Variants in EPHA3 observed in about 807,000 individuals in gnomAD.
EPHA3 encodes ephrin type-A receptor 3.
EPHA3 carries 42 observed loss-of-function variants against 107.1 expected under a neutral mutation model. That is an observed-to-expected ratio of 0.39 (90% confidence interval 0.31 to 0.51). The LOEUF is 0.51. EPHA3 is among the 20% of genes least tolerant of loss of function. The pLI is 0.78. For missense variants in EPHA3, 1,183 were observed against 1,211.2 expected (o/e 0.98, Z 0.35); for synonymous variants, 461 against 424.8 (o/e 1.09, Z -1.05).
chr3:89,375,010 T>C (rs76713427), intron 5 of EPHA3, among the ~76,000 whole-genome samples: 2,323 of 151,918 alleles, frequency 0.015, 44 homozygotes, highest in African/African-American at 0.053. Flanking sequence ...TACAACTCAA[T>C]TTCACAATTC....
chr3:89,289,563 A>T (rs1706164134), intron 3 of EPHA3, among the ~76,000 whole-genome samples: 1 of 152,128 alleles, frequency 6.6e-6, no homozygotes, highest in Admixed American at 6.6e-5. Context: ...AGGTATATAT[A>T]ATATCTTTAT....
chr3:89,203,111 A>G (rs1255123726), intron 2 of EPHA3, among the ~76,000 whole-genome samples: 1 of 152,086 alleles, frequency 6.6e-6, no homozygotes, highest in Non-Finnish European at 1.5e-5. Flanking sequence ...GAATTCACGG[A>G]AGCTGATATT....
chr3:89,121,465 TTAAAG>T (rs1439604168), intron 1 of EPHA3, among the ~76,000 whole-genome samples: 4 of 151,694 alleles, frequency 2.6e-5, no homozygotes, highest in South Asian at 4.2e-4. Flanking sequence ...ATTAAAGCTA[TTAAAG>T]TATTTTGGCT....
At position 89,417,159 on chromosome 3, in the gene EPHA3, C is replaced by T. The variant is rs1482701152; in HGVS notation, c.1889-2046C>T. 2.6e-5 allele frequency among the ~76,000 whole-genome samples: 4 copies of T among 151,356 alleles called. No homozygotes were observed. The East Asian group carries it at 7.8e-4, about 29-fold the overall frequency. On this transcript the variant is annotated intron_variant, in intron 10 of 16. Transcript: ENST00000336596. ...CTTAACATACATTAGTTCCTTTAAT[C>T]CCACAACAGCTTTATGAGGTAGATA...
chr3:89,265,565 C>A (rs1705517301), intron 3 of EPHA3, among the ~76,000 whole-genome samples: 1 of 151,878 alleles, frequency 6.6e-6, no homozygotes, highest in Non-Finnish European at 1.5e-5. Context: ...AATTTATATT[C>A]TCATTTAGGA....
intron 1 of EPHA3, among the ~76,000 whole-genome samples, chr3:89,110,186 ATAT>A (rs755403763): frequency 6.6e-6 from 1 of 152,016 alleles, no homozygotes; most frequent in African/African-American, 2.4e-5. Context: ...TGTATTTAAA[ATAT>A]TATGATTGAA....
At chr3:89,235,733 C>A (rs1704743501) in intron 3 of EPHA3, among the ~76,000 whole-genome samples, 1 of 151,776 alleles carries the variant, frequency 6.6e-6, no homozygotes, top group African/African-American at 2.4e-5. Context: ...TTTTAGGAAA[C>A]TTGCTGAATT....
intron 3 of EPHA3, among the ~76,000 whole-genome samples, chr3:89,250,023 C>T (rs1705125314): frequency 1.3e-5 from 2 of 152,086 alleles, no homozygotes; most frequent in Non-Finnish European, 2.9e-5. Context: ...AGCTTCCTAA[C>T]CAAAAAATGT....
At chr3:89,211,145 C>T (rs906866814) in intron 3 of EPHA3, among the ~76,000 whole-genome samples, 1 of 151,876 alleles carries the variant, frequency 6.6e-6, no homozygotes, top group African/African-American at 2.4e-5. Context: ...TTTTAGTGCT[C>T]AAAAATTATT....
intron 3 of EPHA3, among the ~76,000 whole-genome samples, chr3:89,281,004 A>ATTTATTTAT (rs71105126): frequency 1.4e-5 from 2 of 147,280 alleles, no homozygotes; most frequent in African/African-American, 5.1e-5. Context: ...CAAGATTTTT[A>ATTTATTTAT]TTATTTATTT....
intron 2 of EPHA3, among the ~76,000 whole-genome samples, chr3:89,162,529 C>T (rs1221878841): frequency 6.6e-6 from 1 of 152,130 alleles, no homozygotes; most frequent in Non-Finnish European, 1.5e-5. Context: ...CTTGTCCAAC[C>T]TCTCTCCTTC....
intron 15 of EPHA3, among the ~76,000 whole-genome samples, chr3:89,457,425 A>G (rs1168704563): frequency 6.6e-6 from 1 of 152,170 alleles, no homozygotes; most frequent in Non-Finnish European, 1.5e-5. Flanking sequence ...GCATTAGATT[A>G]TCATAGGAGA....
Position 89,371,491 on chromosome 3 carries a change from T to C in EPHA3, c.1307-24346T>C, listed in dbSNP as rs1576341882. On this transcript the variant is annotated intron_variant, in intron 5 of 16. Transcript: ENST00000336596. Reference sequence around the variant, plus strand: ...GATAGATAAAAGATAAGATAAGAAATGATAGGACAAGATAATGTGTGGGCT... The same window carrying C: ...GATAGATAAAAGATAAGATAAGAAACGATAGGACAAGATAATGTGTGGGCT... 7.2e-5 allele frequency among the ~76,000 whole-genome samples: 11 copies of C among 151,742 alleles called. 1 individual carries two copies. In the South Asian group the frequency reaches 2.3e-3, roughly 31 times the overall value.
Position 89,369,224 on chromosome 3 carries a change from C to G in EPHA3, c.1307-26613C>G, listed in dbSNP as rs1202508563. ...CTAAGCCAAAAGAACAAAGCTGGAG[C>G]CATCAGGCTACCTGACTTCAAAATA... On this transcript the variant is annotated intron_variant, in intron 5 of 16. Coordinates refer to ENST00000336596, the MANE Select transcript of EPHA3 (RefSeq NM_005233.6). Among the ~76,000 whole-genome samples the G allele has an allele frequency of 7.3e-5, 11 of 150,682 alleles. 2 individuals carry two copies. The highest frequency in any genetic ancestry group is 1.9e-4 in the East Asian group (1 of 5,146).
intron 3 of EPHA3, among the ~76,000 whole-genome samples, chr3:89,312,357 G>C (rs943467717): frequency 1.4e-5 from 2 of 147,366 alleles, no homozygotes; most frequent in Non-Finnish European, 3.0e-5. Context: ...TCGCAGTTAC[G>C]CAATTCTGGT....
chr3:89,303,867 G>A (rs1387310509), intron 3 of EPHA3, among the ~76,000 whole-genome samples: 1 of 152,104 alleles, frequency 6.6e-6, no homozygotes, highest in Admixed American at 6.6e-5. Flanking sequence ...GCACCTCTGT[G>A]TTTTTATGTC....
At chr3:89,381,065 T>A (rs1282620955) in intron 5 of EPHA3, among the ~76,000 whole-genome samples, 1 of 151,990 alleles carries the variant, frequency 6.6e-6, no homozygotes. Flanking sequence ...CTCCACCTCC[T>A]GGTTTCCCGC....
intron 3 of EPHA3, among the ~76,000 whole-genome samples, chr3:89,225,142 G>A (rs1464428888): frequency 6.6e-6 from 1 of 152,112 alleles, no homozygotes; most frequent in Non-Finnish European, 1.5e-5. Flanking sequence ...CGTGAAGGTA[G>A]TAATTTGTAA....
chr3:89,184,357 G>A (rs376358074), intron 2 of EPHA3, among the ~76,000 whole-genome samples: 1 of 151,882 alleles, frequency 6.6e-6, no homozygotes. Flanking sequence ...GGGATTTCTT[G>A]GCATGAAAAC....
Sources: gnomAD v4.1 joint callset for allele counts (sites outside exome capture counted in the v4.1 genomes callset) on GRCh38, gnomAD v4.1.1 for gene constraint, MANE v1.5 for transcripts, NCBI Gene and HGNC (gene_info 2026-07-23, HGNC 2026-07-21) for gene names.